PIKFYVE: variants seen among roughly 807,000 people sequenced by gnomAD.
PIKFYVE encodes the protein phosphoinositide kinase, FYVE-type zinc finger containing, also known as 1-phosphatidylinositol 3-phosphate 5-kinase.
PIKFYVE carries 122 observed loss-of-function variants against 257.9 expected under a neutral mutation model. The ratio of observed to expected loss-of-function variants is 0.47; its 90% CI spans 0.41 to 0.55. The LOEUF is 0.55. PIKFYVE is among the 20% of genes least tolerant of loss of function. PIKFYVE has a pLI of 0.00. For synonymous variants in PIKFYVE, 892 were observed against 868.9 expected (o/e 1.03, Z -0.47); for missense variants, 2,160 against 2,536.6 (o/e 0.85, Z 3.19).
chr2:208,338,011 C>T (rs1246188669), intron 28 of PIKFYVE, among the ~76,000 whole-genome samples: 1 of 152,172 alleles, frequency 6.6e-6, no homozygotes, highest in Non-Finnish European at 1.5e-5. Flanking sequence ...GCGTAAGCCA[C>T]CACACCTGGC....
intron 19 of PIKFYVE, 85 bp from the exon 20 acceptor site, chr2:208,325,185 G>A (rs1696776092): frequency 3.2e-6 from 5 of 1,556,180 alleles, no homozygotes; most frequent in Admixed American, 1.7e-5. Context: ...TTCTTTTACA[G>A]ATATTAAGAG....
intron 5 of PIKFYVE, among the ~76,000 whole-genome samples, chr2:208,278,252 C>G (rs888289798): frequency 9.9e-5 from 15 of 151,146 alleles, no homozygotes; most frequent in African/African-American, 3.6e-4. Context: ...TAACATCTCT[C>G]TCATGTTATT....
chr2:208,305,568 C>A, intron 12 of PIKFYVE: 1 of 724,826 alleles, frequency 1.4e-6, no homozygotes, highest in Non-Finnish European at 1.7e-6. Context: ...TTATTTTTAG[C>A]TATCTTATTT....
chr2:208,276,808 A>G lies in PIKFYVE; in HGVS notation c.419A>G (p.Glu140Gly). Reference protein sequence around the residue: ...SLSTVLKRLKEIMEGKSQDSD... With the variant: ...SLSTVLKRLKGIMEGKSQDSD... Reference sequence around the variant, plus strand: ...AGCACAGTATTAAAACGCCTCAAGGAAATCATGGAGGGGAAAAGCCAGGTA... The same window carrying G: ...AGCACAGTATTAAAACGCCTCAAGGGAATCATGGAGGGGAAAAGCCAGGTA... Residue 140 changes from glutamate to glycine, a missense_variant, in exon 4 of 42, where the codon GAA (glutamate) becomes GGA (glycine). By Grantham distance (98) the Glu-to-Gly change is moderately conservative. Around this residue, in one of 12 missense-constraint regions of PIKFYVE, gnomAD observed 172 missense variants for 180.6 expected, o/e 0.95. Coordinates refer to ENST00000264380, the MANE Select transcript of PIKFYVE (RefSeq NM_015040.4). The G allele has an allele frequency of 1.2e-6, 2 of 1,613,504 alleles. No homozygotes were observed. Among genetic ancestry groups the G allele is most frequent in the South Asian group, 2.2e-5 (2 of 91,072 alleles).
At chr2:208,270,296 C>T (rs1689249192) in intron 1 of PIKFYVE, among the ~76,000 whole-genome samples, 1 of 152,034 alleles carries the variant, frequency 6.6e-6, no homozygotes, top group African/African-American at 2.4e-5. Flanking sequence ...TCCACTTCGG[C>T]CTCCCAAAGT....
intron 2 of PIKFYVE, 49 bp from the exon 3 acceptor site, chr2:208,273,524 CTTCCTTCTCAT>C: frequency 6.2e-7 from 1 of 1,606,870 alleles, no homozygotes; most frequent in South Asian, 1.1e-5. Flanking sequence ...TTTTCATCTA[CTTCCTTCTCAT>C]TGCTGAACTC....
intron 12 of PIKFYVE, among the ~76,000 whole-genome samples, chr2:208,309,215 T>C (rs1302547114): frequency 6.6e-6 from 1 of 152,134 alleles, no homozygotes; most frequent in African/African-American, 2.4e-5. Context: ...AAAGAATGGC[T>C]AGCGTGTTGG....
chr2:208,289,399 CTTT>C (rs1691998511), intron 7 of PIKFYVE, among the ~76,000 whole-genome samples: 1 of 150,858 alleles, frequency 6.6e-6, no homozygotes, highest in Non-Finnish European at 1.5e-5. Flanking sequence ...TGTCCCTTTG[CTTT>C]CTCATTTTTT....
At position 208,304,947 on chromosome 2, in the gene PIKFYVE, G is replaced by A; in HGVS notation, c.1570G>A (p.Val524Met). The A allele has an allele frequency of 6.8e-6, 11 of 1,614,108 alleles. No individual in the cohort carries two copies. The highest frequency in any genetic ancestry group is 1.1e-5 in the South Asian group (1 of 91,074). Residue 524 changes from valine to methionine, a missense_variant, in exon 12 of 42, where the codon GTG becomes ATG. By Grantham distance (21) the Val-to-Met change is conservative (BLOSUM62 1). Around this residue, in one of 12 missense-constraint regions of PIKFYVE, gnomAD observed 346 missense variants for 365.6 expected, o/e 0.95. Coordinates refer to ENST00000264380, the MANE Select transcript of PIKFYVE (RefSeq NM_015040.4). ...CAGCCTGAACGTGGAGCTGGACAACGTGAACTTCCATATCAAGAAGCCCTC... is the reference window on the plus strand; with the variant it reads ...CAGCCTGAACGTGGAGCTGGACAACATGAACTTCCATATCAAGAAGCCCTC... Reference protein sequence around the residue: ...SISLNVELDNVNFHIKKPSKY... With the variant: ...SISLNVELDNMNFHIKKPSKY...
intron 29 of PIKFYVE, 46 bp from the exon 30 acceptor site, chr2:208,339,372 A>G (rs376525043): frequency 4.7e-5 from 75 of 1,600,328 alleles, no homozygotes; most frequent in Admixed American, 2.3e-4. Context: ...GTAGACATGG[A>G]CTTAATGTAT....
intron 10 of PIKFYVE, among the ~76,000 whole-genome samples, chr2:208,303,501 A>G (rs932171131): frequency 1.3e-5 from 2 of 152,230 alleles, no homozygotes; most frequent in African/African-American, 4.8e-5. Context: ...CTAGAGAAAC[A>G]TGAAGAAAAT....
intron 7 of PIKFYVE, among the ~76,000 whole-genome samples, chr2:208,298,358 C>A (rs769682348): frequency 6.6e-6 from 1 of 152,052 alleles, no homozygotes; most frequent in Non-Finnish European, 1.5e-5. Context: ...TGTAATCTTT[C>A]CATAACTACT....
At chr2:208,303,300 C>CACACAT (rs535226052) in intron 10 of PIKFYVE, among the ~76,000 whole-genome samples, 1 of 150,458 alleles carries the variant, frequency 6.6e-6, no homozygotes, top group African/African-American at 2.4e-5. Context: ...CACACACACA[C>CACACAT]ATATATATAT....
intron 33 of PIKFYVE, 40 bp from the exon 34 acceptor site, chr2:208,346,010 T>C (rs528287994): frequency 1.5e-5 from 22 of 1,494,680 alleles, no homozygotes; most frequent in Non-Finnish European, 2.0e-5. Context: ...GTTTGACTTG[T>C]ATAAAACTAA....
At chr2:208,322,640 G>T (rs993524737) in intron 17 of PIKFYVE, among the ~76,000 whole-genome samples, 1 of 151,172 alleles carries the variant, frequency 6.6e-6, no homozygotes, top group Non-Finnish European at 1.5e-5. Flanking sequence ...ACTTATTTGT[G>T]GATGAAGAAA....
chr2:208,285,665 A>G, intron 5 of PIKFYVE, 61 bp from the exon 6 acceptor site: 4 of 1,431,066 alleles, frequency 2.8e-6, no homozygotes, highest in South Asian at 2.3e-5. Context: ...ACGTTAAGCA[A>G]TATGTTACTG....
At chr2:208,281,529 T>A (rs1407819018) in intron 5 of PIKFYVE, among the ~76,000 whole-genome samples, 1 of 152,226 alleles carries the variant, frequency 6.6e-6, no homozygotes, top group Non-Finnish European at 1.5e-5. Flanking sequence ...TCACAGTTTG[T>A]ATCTCACCTT....
chr2:208,292,806 A>G (rs1692482317), intron 7 of PIKFYVE, among the ~76,000 whole-genome samples: 1 of 151,970 alleles, frequency 6.6e-6, no homozygotes, highest in Non-Finnish European at 1.5e-5. Flanking sequence ...GTGTCTTTGT[A>G]TTTAAATTAG....
rs578056823 is a variant in PIKFYVE at position 208,272,221 on chromosome 2, C to T, written c.172+530C>T. 6.0e-5 allele frequency among the ~76,000 whole-genome samples: 9 copies of T among 150,290 alleles called. No individual in the cohort carries two copies. The South Asian group carries it at 1.1e-3, about 18-fold the overall frequency. On this transcript the variant is annotated intron_variant, in intron 2 of 41. Transcript: ENST00000264380. ...CTGTACTCCAGCCTGGGTGACAGAG[C>T]GTGACTCCATCTCAAAAAATAAAAA...
Sources: gnomAD v4.1 joint callset for allele counts (sites outside exome capture counted in the v4.1 genomes callset) on GRCh38, gnomAD v4.1.1 for gene constraint, gnomAD v4.1.1 regional missense constraint, MANE v1.5 for transcripts, NCBI Gene and HGNC (gene_info 2026-07-23, HGNC 2026-07-21) for gene names.